CNTNAP4: variants seen among roughly 807,000 people sequenced by gnomAD.
CNTNAP4 encodes the protein contactin-associated protein-like 4.
Under a neutral mutation model 148.4 loss-of-function variants are expected in CNTNAP4, and 98 were observed. That is an observed-to-expected ratio of 0.66 (90% CI 0.56 to 0.78). The LOEUF is 0.78. CNTNAP4 is among the 30% of genes least tolerant of loss of function. The pLI is 0.00. For missense variants in CNTNAP4, 1,935 were observed against 1,565.6 expected (o/e 1.24, Z -3.98); for synonymous variants, 730 against 565.1 (o/e 1.29, Z -4.14).
intron 2 of CNTNAP4, among the ~76,000 whole-genome samples, chr16:76,337,898 A>C (rs549171705): frequency 1.3e-5 from 2 of 152,328 alleles, no homozygotes; most frequent in East Asian, 3.9e-4. Flanking sequence ...CTGACCCCGC[A>C]GGCAGTCAGA....
chr16:76,428,387 A>C (rs1293949477), intron 4 of CNTNAP4, among the ~76,000 whole-genome samples: 1 of 151,924 alleles, frequency 6.6e-6, no homozygotes, highest in African/African-American at 2.4e-5. Context: ...ATAATCTGGA[A>C]GAGAACCCAG....
chr16:76,472,831 T>A (rs932933758), intron 10 of CNTNAP4, among the ~76,000 whole-genome samples: 6 of 152,044 alleles, frequency 3.9e-5, no homozygotes, highest in Non-Finnish European at 1.5e-5. Context: ...AGGGAGAGGA[T>A]CAGGAAAAAT....
intron 15 of CNTNAP4, among the ~76,000 whole-genome samples, chr16:76,514,393 C>G (rs1175038400): frequency 6.6e-6 from 1 of 152,178 alleles, no homozygotes; most frequent in Admixed American, 6.5e-5. Flanking sequence ...ATACACAAGT[C>G]TATTTCTTTG....
At chr16:76,405,586 ATACT>A (rs1437113347) in intron 3 of CNTNAP4, among the ~76,000 whole-genome samples, 1 of 152,134 alleles carries the variant, frequency 6.6e-6, no homozygotes, top group Non-Finnish European at 1.5e-5. Context: ...AAGAGAAAAA[ATACT>A]TACTCTTCAT....
chr16:76,295,026 C>G (rs1458149299), intron 1 of CNTNAP4, among the ~76,000 whole-genome samples: 1 of 152,158 alleles, frequency 6.6e-6, no homozygotes, highest in African/African-American at 2.4e-5. Flanking sequence ...AGGCTGTGCT[C>G]TTACAGCTCA....
chr16:76,329,611 G>A (rs1434625213), intron 2 of CNTNAP4, among the ~76,000 whole-genome samples: 1 of 152,028 alleles, frequency 6.6e-6, no homozygotes, highest in Non-Finnish European at 1.5e-5. Context: ...TCCTCAGTGG[G>A]AATTATTAGC....
chr16:76,363,960 A>C (rs1172852728), intron 3 of CNTNAP4, among the ~76,000 whole-genome samples: 2 of 151,806 alleles, frequency 1.3e-5, no homozygotes, highest in Non-Finnish European at 2.9e-5. Flanking sequence ...TATAATATAC[A>C]AAAAAATACA....
At chr16:76,378,831 C>T (rs538544186) in intron 3 of CNTNAP4, among the ~76,000 whole-genome samples, 7 of 152,238 alleles carry the variant, frequency 4.6e-5, no homozygotes, top group Non-Finnish European at 8.8e-5. Context: ...CACCTAGGGT[C>T]GGCCAAGAGG....
chr16:76,398,117 G>T (rs1311724984), intron 3 of CNTNAP4, among the ~76,000 whole-genome samples: 2 of 150,306 alleles, frequency 1.3e-5, no homozygotes, highest in Non-Finnish European at 3.0e-5. Context: ...ATGTTTGAGA[G>T]TAGGAAGCAT....
intron 2 of CNTNAP4, among the ~76,000 whole-genome samples, chr16:76,327,672 A>G (rs1597207725): frequency 6.6e-6 from 1 of 152,176 alleles, no homozygotes; most frequent in Non-Finnish European, 1.5e-5. Context: ...ATATTGATGG[A>G]TGGCCTTCCC....
intron 9 of CNTNAP4, among the ~76,000 whole-genome samples, chr16:76,466,635 C>A (rs1047025601): frequency 6.6e-6 from 1 of 151,690 alleles, no homozygotes; most frequent in Non-Finnish European, 1.5e-5. Context: ...TGTCATTAGA[C>A]CACAGACAAT....
intron 17 of CNTNAP4, among the ~76,000 whole-genome samples, chr16:76,529,874 A>G (rs1013957857): frequency 1.3e-5 from 1 of 79,912 alleles, no homozygotes; most frequent in African/African-American, 4.4e-5. Flanking sequence ...TGTGTGTGTA[A>G]ACATGTGTGT....
At chr16:76,413,413 G>T (rs2078867342) in intron 3 of CNTNAP4, among the ~76,000 whole-genome samples, 2 of 151,206 alleles carry the variant, frequency 1.3e-5, no homozygotes, top group Non-Finnish European at 3.0e-5. Context: ...TCTCCCCACT[G>T]CTCTGCATGG....
At chr16:76,380,918 CTTTCT>C (rs1224891490) in intron 3 of CNTNAP4, among the ~76,000 whole-genome samples, 9 of 152,162 alleles carry the variant, frequency 5.9e-5, no homozygotes, top group Admixed American at 5.9e-4. Flanking sequence ...AACTCATTTA[CTTTCT>C]TTTAAGTTAG....
At chr16:76,498,768 A>C in intron 15 of CNTNAP4, 74 bp downstream of exon 15, 3 of 1,392,194 alleles carry the variant, frequency 2.2e-6, no homozygotes, top group Non-Finnish European at 2.9e-6. Context: ...CTTAAGCATC[A>C]CGTTTCTATC....
At chr16:76,522,401 A>G in intron 17 of CNTNAP4, 144 bp downstream of exon 17, 1 of 738,552 alleles carries the variant, frequency 1.4e-6, no homozygotes. Flanking sequence ...ACTGTGTCCA[A>G]ATGCTTCATT....
intron 3 of CNTNAP4, among the ~76,000 whole-genome samples, chr16:76,381,426 C>T (rs1381718854): frequency 6.6e-6 from 1 of 152,056 alleles, no homozygotes; most frequent in Non-Finnish European, 1.5e-5. Flanking sequence ...AATTCTGATA[C>T]TGTGCTAGTG....
intron 1 of CNTNAP4, among the ~76,000 whole-genome samples, chr16:76,297,981 C>T (rs1228787979): frequency 6.6e-6 from 1 of 151,934 alleles, no homozygotes; most frequent in Non-Finnish European, 1.5e-5. Context: ...TAATCAGAAA[C>T]CTGAAGAGAC....
chr16:76,279,953 A>G (rs1040594391), intron 1 of CNTNAP4, among the ~76,000 whole-genome samples: 1 of 152,186 alleles, frequency 6.6e-6, no homozygotes, highest in Non-Finnish European at 1.5e-5. Context: ...AAGTGTATAT[A>G]TATTTCCCAG....
Sources: gnomAD v4.1 joint callset for allele counts (sites outside exome capture counted in the v4.1 genomes callset) on GRCh38, gnomAD v4.1.1 for gene constraint, MANE v1.5 for transcripts, NCBI Gene and HGNC (gene_info 2026-07-23, HGNC 2026-07-21) for gene names.